Variants in LDAH observed in about 807,000 individuals in gnomAD.
LDAH encodes the protein lipid droplet-associated hydrolase.
A neutral mutation model predicts 29.6 loss-of-function variants in LDAH; 26 were observed. The observed-to-expected ratio is 0.88, with a 90% confidence interval of 0.64 to 1.22. LDAH has a LOEUF of 1.22. Among genes scored for constraint, LDAH ranks in the 50% most tolerant of loss-of-function variants. LDAH has a pLI of 0.00. For missense variants in LDAH, 344 were observed against 387.3 expected, an observed-to-expected ratio of 0.89 and a Z score of 0.94; for synonymous variants, 117 against 133.0, an observed-to-expected ratio of 0.88 and a Z score of 0.83.
intron 4 of LDAH, among the ~76,000 whole-genome samples, chr2:20,766,234 T>C (rs1669027618): frequency 6.6e-6 from 1 of 152,246 alleles, no homozygotes; most frequent in Non-Finnish European, 1.5e-5. Flanking sequence ...TATTATACAT[T>C]GTTTAAAAAC....
At chr2:20,758,965 C>T (rs1668504032) in intron 4 of LDAH, among the ~76,000 whole-genome samples, 1 of 152,082 alleles carries the variant, frequency 6.6e-6, no homozygotes, top group Non-Finnish European at 1.5e-5. Flanking sequence ...TATGAAATCT[C>T]TTCTGAAAAA....
At chr2:20,708,230 C>A (rs771010977) in intron 5 of LDAH, among the ~76,000 whole-genome samples, 2 of 152,270 alleles carry the variant, frequency 1.3e-5, no homozygotes, top group South Asian at 4.1e-4. Context: ...TCCACAAAAC[C>A]GGTCCCTGGT....
At position 20,698,265 on chromosome 2, in the gene LDAH, A is replaced by G. The variant is rs546084662; in HGVS notation, c.786+3305T>C. Among the ~76,000 whole-genome samples the G allele has an allele frequency of 4.5e-4, 68 of 152,368 alleles. No individual in the cohort carries two copies. Among genetic ancestry groups the G allele is most frequent in the African/African-American group, 1.6e-3 (66 of 41,594 alleles). Reference sequence around the variant, plus strand: ...CTTACCTCAACGTGGGGAAAGGTGAAGGTTGATTGTTTAAATACTGTGTGA... The same window carrying G: ...CTTACCTCAACGTGGGGAAAGGTGAGGGTTGATTGTTTAAATACTGTGTGA... On this transcript the variant is annotated intron_variant, in intron 6 of 6. Transcript: ENST00000237822. This position sits in a 1 kb window ranked among gnomAD's most constrained non-coding sequence, Gnocchi z 4.4.
chr2:20,817,091 A>C (rs1672904625), intron 1 of LDAH, among the ~76,000 whole-genome samples: 1 of 152,126 alleles, frequency 6.6e-6, no homozygotes, highest in Admixed American at 6.5e-5. Context: ...TTATAGCAAT[A>C]AATGCTTACG....
intron 5 of LDAH, among the ~76,000 whole-genome samples, chr2:20,707,525 C>T (rs577308951): frequency 1.3e-5 from 2 of 152,238 alleles, no homozygotes; most frequent in Admixed American, 6.5e-5. Context: ...GGGAGGCTAC[C>T]GCAGTGGTTT....
intron 5 of LDAH, among the ~76,000 whole-genome samples, chr2:20,704,576 C>T (rs144454406): frequency 3.3e-5 from 5 of 152,174 alleles, no homozygotes; most frequent in South Asian, 2.1e-4. Flanking sequence ...ACAGTATGAT[C>T]CCACTATTGT....
chr2:20,783,132 T>A (rs1670315478), intron 3 of LDAH, among the ~76,000 whole-genome samples: 1 of 152,236 alleles, frequency 6.6e-6, no homozygotes, highest in Non-Finnish European at 1.5e-5. Flanking sequence ...TTCCTAGCTA[T>A]GTTTCTGTTG....
At chr2:20,775,612 G>A (rs918769086) in intron 3 of LDAH, among the ~76,000 whole-genome samples, 5 of 152,116 alleles carry the variant, frequency 3.3e-5, no homozygotes, top group East Asian at 3.8e-4. Flanking sequence ...AATCCAGATC[G>A]AAAAACTTAG....
intron 4 of LDAH, among the ~76,000 whole-genome samples, chr2:20,745,019 TTC>T (rs1330648759): frequency 6.6e-6 from 1 of 152,178 alleles, no homozygotes; most frequent in African/African-American, 2.4e-5. Context: ...AAGAATTGAT[TTC>T]TCAGTTTGCT....
chr2:20,770,706 C>G (rs1669353850), intron 4 of LDAH, among the ~76,000 whole-genome samples: 1 of 152,186 alleles, frequency 6.6e-6, no homozygotes, highest in African/African-American at 2.4e-5. Context: ...ACGAACTTAG[C>G]AGTTGTGTAC....
chr2:20,805,854 A>T (rs1054856237), intron 1 of LDAH, among the ~76,000 whole-genome samples: 3 of 151,672 alleles, frequency 2.0e-5, no homozygotes, highest in Non-Finnish European at 2.9e-5. Context: ...ATTTATTTAT[A>T]TGTTTAAATA....
intron 6 of LDAH, among the ~76,000 whole-genome samples, chr2:20,690,175 G>A (rs976513602): frequency 1.3e-5 from 2 of 151,834 alleles, no homozygotes; most frequent in Non-Finnish European, 2.9e-5. Context: ...ATTTGAGCAG[G>A]GGTGATCAAC....
chr2:20,683,634 G>A (rs747520976), downstream of LDAH, among the ~76,000 whole-genome samples: 5 of 152,194 alleles, frequency 3.3e-5, no homozygotes. Context: ...TTATCCCTGC[G>A]TAAGAGCCAA....
intron 2 of LDAH, among the ~76,000 whole-genome samples, chr2:20,797,124 T>C (rs1370575108): frequency 2.0e-5 from 3 of 152,242 alleles, no homozygotes; most frequent in Non-Finnish European, 4.4e-5. Flanking sequence ...CATGTATTTT[T>C]ATGTTAATAG....
intron 2 of LDAH, 75 bp from the exon 3 acceptor site, chr2:20,790,473 ATG>A: frequency 7.8e-7 from 1 of 1,281,652 alleles, no homozygotes; most frequent in South Asian, 1.3e-5. Context: ...GCTAGAAAAG[ATG>A]GGTCTGTTTC....
At chr2:20,789,318 C>T (rs762196859) in intron 3 of LDAH, 42 of 1,540,820 alleles carry the variant, frequency 2.7e-5, no homozygotes, top group Admixed American at 1.8e-4. Context: ...GTGTCCACCA[C>T]GAGAGGACAG....
chr2:20,729,409 A>G (rs1189057922), intron 5 of LDAH, among the ~76,000 whole-genome samples: 1 of 152,250 alleles, frequency 6.6e-6, no homozygotes, highest in Admixed American at 6.5e-5. Context: ...TAGACTTTTC[A>G]TATATAAATT....
At chr2:20,713,253 G>T (rs1664904599) in intron 5 of LDAH, among the ~76,000 whole-genome samples, 1 of 152,156 alleles carries the variant, frequency 6.6e-6, no homozygotes, top group African/African-American at 2.4e-5. Context: ...TTAAAGAAAA[G>T]AATTTTCAAC....
intron 5 of LDAH, among the ~76,000 whole-genome samples, chr2:20,705,429 T>TA (rs1236586865): frequency 6.6e-6 from 1 of 152,192 alleles, no homozygotes; most frequent in Non-Finnish European, 1.5e-5. Flanking sequence ...TGTTTGGACT[T>TA]ACCAACTTTC....
Sources: gnomAD v4.1 joint callset for allele counts (sites outside exome capture counted in the v4.1 genomes callset) on GRCh38, gnomAD v4.1.1 for gene constraint, Gnocchi (gnomAD v3.1) non-coding constraint, MANE v1.5 for transcripts, NCBI Gene and HGNC (gene_info 2026-07-23, HGNC 2026-07-21) for gene names.